Variants in GMDS observed in about 807,000 individuals in gnomAD.
GMDS encodes GDP-mannose 4,6-dehydratase.
GMDS carries 20 observed loss-of-function variants against 49.9 expected under a neutral mutation model. The observed-to-expected ratio is 0.40, with a 90% CI of 0.28 to 0.58. GMDS has a LOEUF of 0.58. Ranked by LOEUF, GMDS falls within the 20% of genes least tolerant of loss-of-function variation. The pLI, the probability that GMDS is intolerant of heterozygous loss-of-function variation, is 0.42. For missense variants in GMDS, 362 were observed against 481.4 expected, an observed-to-expected ratio of 0.75 and a Z score of 2.32; for synonymous variants, 177 against 178.6, an observed-to-expected ratio of 0.99 and a Z score of 0.07.
chr6:1,996,865 A>C (rs1033025164), intron 4 of GMDS, among the ~76,000 whole-genome samples: 4 of 152,200 alleles, frequency 2.6e-5, no homozygotes, highest in African/African-American at 9.7e-5. Context: ...GAAGAGAAAA[A>C]CAGAAATTGA....
At chr6:2,153,455 T>C (rs1776945624) in intron 1 of GMDS, among the ~76,000 whole-genome samples, 1 of 151,898 alleles carries the variant, frequency 6.6e-6, no homozygotes, top group Non-Finnish European at 1.5e-5. Context: ...AGAACTAATG[T>C]CCAAATAAAC....
Position 1,766,838 on chromosome 6 carries a change from T to C in GMDS, c.772-24252A>G, listed in dbSNP as rs1348609542. On this transcript the variant is annotated intron_variant, in intron 7 of 10. Transcript: ENST00000380815. This position sits in a 1 kb window ranked among gnomAD's most constrained non-coding sequence, Gnocchi z 4.5. ...CTGTGGGCTGAAACACTGACTGGAC[T>C]AAACAAAGCCTGGCAATGGGCCAGA... 3.3e-5 allele frequency among the ~76,000 whole-genome samples: 5 copies of C among 152,224 alleles called. No individual in the cohort carries two copies. Among genetic ancestry groups the C allele is most frequent in the Non-Finnish European group, 4.4e-5 (3 of 68,032 alleles).
At chr6:2,197,404 G>C (rs1476112940) in intron 1 of GMDS, among the ~76,000 whole-genome samples, 1 of 152,152 alleles carries the variant, frequency 6.6e-6, no homozygotes, top group African/African-American at 2.4e-5. Flanking sequence ...ATAGTTTCAG[G>C]GAAAGACCAT....
At chr6:1,922,789 T>C (rs187046594) in intron 7 of GMDS, among the ~76,000 whole-genome samples, 5 of 152,286 alleles carry the variant, frequency 3.3e-5, no homozygotes, top group Non-Finnish European at 7.4e-5. Flanking sequence ...TCCCGTCCCA[T>C]CTACAGCTAG....
In GMDS at chr6:2,056,958, T is replaced by C. The variant is rs180834369; in HGVS notation, c.345+58813A>G. ...TATTTGAGACTGCTGAGAAAGGGAATTTCCATTTCTGTATAAATACAGCAT... is the reference window on the plus strand; with the variant it reads ...TATTTGAGACTGCTGAGAAAGGGAACTTCCATTTCTGTATAAATACAGCAT... On this transcript the variant is annotated intron_variant, in intron 4 of 10. Transcript: ENST00000380815. Among the ~76,000 whole-genome samples the C allele has an allele frequency of 3.1e-3, 467 of 152,340 alleles. 1 individual carries two copies. Among genetic ancestry groups the C allele is most frequent in the African/African-American group, 0.011 (450 of 41,588 alleles).
At chr6:2,056,138 T>C (rs1178218092) in intron 4 of GMDS, among the ~76,000 whole-genome samples, 3 of 152,134 alleles carry the variant, frequency 2.0e-5, no homozygotes, top group Non-Finnish European at 4.4e-5. Context: ...AAGAAACATA[T>C]GTCTCCTGAT....
chr6:2,204,419 T>C (rs1779693456), intron 1 of GMDS, among the ~76,000 whole-genome samples: 1 of 152,318 alleles, frequency 6.6e-6, no homozygotes, highest in South Asian at 2.1e-4. Flanking sequence ...ATTCAACTAA[T>C]ATTTACCAAA....
chr6:1,678,860 T>C (rs959632868), intron 9 of GMDS, among the ~76,000 whole-genome samples: 2 of 152,254 alleles, frequency 1.3e-5, no homozygotes, highest in Admixed American at 6.5e-5. Context: ...ACACAAGTAA[T>C]GGAACACAGA....
At chr6:2,000,338 A>G (rs1300933862) in intron 4 of GMDS, among the ~76,000 whole-genome samples, 1 of 151,318 alleles carries the variant, frequency 6.6e-6, no homozygotes. Context: ...CCCGGACAGT[A>G]TTTACTATAT....
intron 7 of GMDS, among the ~76,000 whole-genome samples, chr6:1,753,035 T>C (rs993279705): frequency 5.3e-5 from 8 of 152,142 alleles, no homozygotes; most frequent in Non-Finnish European, 1.0e-4. Context: ...CACATAACAA[T>C]AGTAACCTTA....
rs797010185 is a variant in GMDS at position 2,230,930 on chromosome 6, T to TCCCCCCCCCCCCCCCCCCC, written c.102+14390_102+14391insGGGGGGGGGGGGGGGGGGG. ...TCACTTAATGCATTTAGTATTCTCT[T>TCCCCCCCCCCCCCCCCCCC]CCCCCCTCCCACCCCCCCCCCCCGT... On this transcript the variant is annotated intron_variant, in intron 1 of 10. Coordinates refer to ENST00000380815, the MANE Select transcript of GMDS (RefSeq NM_001500.4). Among the ~76,000 whole-genome samples, 12 of 14,544 alleles carry TCCCCCCCCCCCCCCCCCCC rather than the reference T, an allele frequency of 8.3e-4. 1 individual carries two copies. The highest frequency in any genetic ancestry group is 1.3e-3 in the Non-Finnish European group (10 of 7,994). 9.5% of individuals were successfully genotyped at this position (14,544 alleles called of 152,430 possible).
At chr6:2,132,584 T>C (rs1199931868) in intron 1 of GMDS, among the ~76,000 whole-genome samples, 2 of 152,136 alleles carry the variant, frequency 1.3e-5, no homozygotes, top group Non-Finnish European at 2.9e-5. Context: ...AGTAGATGCA[T>C]GAGTCATGGA....
chr6:1,624,200 A>ACGT lies in GMDS; in HGVS notation c.1085_1087dup (p.Asp362dup). The ACGT allele has an allele frequency of 6.2e-7, 1 of 1,610,996 alleles. No individual in the cohort carries two copies. The highest frequency in any genetic ancestry group is 8.5e-7 in the Non-Finnish European group (1 of 1,179,808). On this transcript the variant is annotated inframe_insertion, in exon 11 of 11. Transcript: ENST00000380815. The stretch of plus-strand genomic sequence containing the variant: ...ATTGGGGTTTGTCCTCATGAGCTCC[A>ACGT]CGTCGGCGTGCACCATCTCCCTCAC...
At position 1,624,485 on chromosome 6, in the gene GMDS, C is replaced by A. The variant is rs1434294661; in HGVS notation, c.1043G>T (p.Arg348Leu). ...KAKQKLNWKPRVAFDELVREM... is the reference protein window; with the variant it reads ...KAKQKLNWKPLVAFDELVREM... ...AGAGATACTCACATCGAAAGCGACCCGGGGCTTCCAGTTCAGCTTCTGTTT... is the reference window on the plus strand; with the variant it reads ...AGAGATACTCACATCGAAAGCGACCAGGGGCTTCCAGTTCAGCTTCTGTTT... The change falls in exon 10 of 11, where the codon CGG becomes CTG. Residue 348 changes from arginine to leucine, a missense_variant. Arg to Leu is a moderately radical substitution (Grantham distance 102, BLOSUM62 -2). Transcript: ENST00000380815. 1 of 1,613,674 alleles carries A rather than the reference C, an allele frequency of 6.2e-7. No individual in the cohort carries two copies. Among genetic ancestry groups the A allele is most frequent in the South Asian group, 1.1e-5 (1 of 91,082 alleles).
At chr6:2,216,745 T>A (rs1780353257) in intron 1 of GMDS, among the ~76,000 whole-genome samples, 1 of 152,118 alleles carries the variant, frequency 6.6e-6, no homozygotes. Context: ...TGTAATATAA[T>A]CACTAGGATT....
At chr6:1,740,083 A>G (rs1218067641) in intron 8 of GMDS, among the ~76,000 whole-genome samples, 2 of 152,216 alleles carry the variant, frequency 1.3e-5, no homozygotes, top group Non-Finnish European at 2.9e-5. Context: ...AAAAGTGCAC[A>G]TATTTTTTAA....
At chr6:1,879,812 A>G (rs1465345578) in intron 7 of GMDS, among the ~76,000 whole-genome samples, 1 of 152,280 alleles carries the variant, frequency 6.6e-6, no homozygotes, top group East Asian at 1.9e-4. Flanking sequence ...TCTGATCTCG[A>G]TATCGTGTAT....
At chr6:1,819,440 A>G (rs1261455017) in intron 7 of GMDS, among the ~76,000 whole-genome samples, 3 of 152,278 alleles carry the variant, frequency 2.0e-5, no homozygotes, top group Admixed American at 2.0e-4. Context: ...CTTCTCTTTG[A>G]AAGATATTTC....
chr6:1,973,972 C>T (rs2127328209), intron 4 of GMDS, among the ~76,000 whole-genome samples: 1 of 152,236 alleles, frequency 6.6e-6, no homozygotes, highest in South Asian at 2.1e-4. Context: ...TGTTGGGAGC[C>T]TTCAATCCCA....
Sources: allele counts gnomAD v4.1 joint callset (sites outside exome capture counted in the v4.1 genomes callset), GRCh38; gene constraint gnomAD v4.1.1; non-coding constraint Gnocchi (gnomAD v3.1); transcripts MANE v1.5; gene names NCBI Gene and HGNC (gene_info 2026-07-23, HGNC 2026-07-21).